PRUNE1: variants seen among roughly 807,000 people sequenced by gnomAD.
PRUNE1 encodes the protein exopolyphosphatase PRUNE1.
A neutral mutation model predicts 42.5 loss-of-function variants in PRUNE1; 25 were observed. The ratio of observed to expected loss-of-function variants is 0.59; its 90% CI spans 0.43 to 0.82. PRUNE1 has a LOEUF of 0.82. Ranked by LOEUF, PRUNE1 falls within the 40% of genes least tolerant of loss-of-function variation. The pLI, the probability that PRUNE1 is intolerant of heterozygous loss-of-function variation, is 0.00. For synonymous variants in PRUNE1, 203 were observed against 217.1 expected (o/e 0.93, Z 0.57); for missense variants, 443 against 539.3 (o/e 0.82, Z 1.77).
chr1:151,030,529 C>T (rs921005606), intron 7 of PRUNE1, among the ~76,000 whole-genome samples: 1 of 152,048 alleles, frequency 6.6e-6, no homozygotes, highest in African/African-American at 2.4e-5. Context: ...CTCACTCTGT[C>T]GCCCAGGCTT....
chr1:151,022,470 G>T (rs1287120225), intron 3 of PRUNE1, among the ~76,000 whole-genome samples: 3 of 146,320 alleles, frequency 2.1e-5, no homozygotes, highest in Admixed American at 1.4e-4. Context: ...CCAGGCTGGA[G>T]TGCACTGGCG....
chr1:151,029,045 T>C (rs1675063429), intron 7 of PRUNE1, 101 bp downstream of exon 7: 5 of 1,242,902 alleles, frequency 4.0e-6, no homozygotes, highest in Middle Eastern at 1.9e-4. Context: ...CTTAGGTTCT[T>C]ATATTAATGT....
chr1:151,028,837 GCT>G lies in PRUNE1; in HGVS notation c.828_829del (p.His277GlnfsTer3). The G allele has an allele frequency of 6.2e-7, 1 of 1,614,000 alleles. No individual in the cohort carries two copies. On this transcript the variant is annotated frameshift_variant, in exon 7 of 8. Coordinates refer to ENST00000271620, the MANE Select transcript of PRUNE1 (RefSeq NM_021222.3). LOFTEE classifies it high-confidence loss of function. Reference sequence around the variant, plus strand: ...TGCAGATCTCCATGCTTTCTGCCAGGCTCACAGCTATGATGTCCTGGTTGCCA... The same window carrying G: ...TGCAGATCTCCATGCTTTCTGCCAGGCACAGCTATGATGTCCTGGTTGCCA... ...LLADLHAFCQAHSYDVLVAMT... is the reference protein window; with the variant it reads ...LLADLHAFCQXHSYDVLVAMT...
At chr1:151,022,258 G>A (rs1449580967) in intron 3 of PRUNE1, among the ~76,000 whole-genome samples, 1 of 150,280 alleles carries the variant, frequency 6.7e-6, no homozygotes, top group Admixed American at 6.6e-5. Flanking sequence ...ACAAGCATGC[G>A]CCACCACACC....
chr1:151,017,682 C>T (rs759045500), intron 1 of PRUNE1, 130 bp from the exon 2 acceptor site: 24 of 448,938 alleles, frequency 5.3e-5, no homozygotes, highest in South Asian at 6.7e-5. Context: ...GTTGTGATCA[C>T]GCTACTGCAT....
At chr1:151,028,306 C>G (rs766653448) in intron 6 of PRUNE1, among the ~76,000 whole-genome samples, 3 of 152,176 alleles carry the variant, frequency 2.0e-5, no homozygotes, top group Non-Finnish European at 2.9e-5. Context: ...ATGGCATGAT[C>G]TCAGCTCACT....
intron 7 of PRUNE1, among the ~76,000 whole-genome samples, chr1:151,030,126 G>A (rs982457859): frequency 6.6e-6 from 1 of 151,994 alleles, no homozygotes; most frequent in Non-Finnish European, 1.5e-5. Flanking sequence ...GCTGGGCGTG[G>A]TGGTGCGTGC....
intron 7 of PRUNE1, among the ~76,000 whole-genome samples, chr1:151,031,999 C>T (rs1046887732): frequency 6.6e-6 from 1 of 152,120 alleles, no homozygotes; most frequent in Non-Finnish European, 1.5e-5. Context: ...AATCCCAGAA[C>T]TTTGGGAGGC....
chr1:151,034,548 C>T lies in PRUNE1; in HGVS notation c.*314C>T. On this transcript the variant is annotated 3_prime_UTR_variant, in exon 8 of 8. Coordinates refer to ENST00000271620, the MANE Select transcript of PRUNE1 (RefSeq NM_021222.3). ...CAGTGGGACAAAAAGAATTTAGACCCCAAAAGTGTCCTCGGCATGGATCTT... is the reference window on the plus strand; with the variant it reads ...CAGTGGGACAAAAAGAATTTAGACCTCAAAAGTGTCCTCGGCATGGATCTT... 1 of 314,264 alleles carries T rather than the reference C, an allele frequency of 3.2e-6. No homozygotes were observed. Among genetic ancestry groups the T allele is most frequent in the South Asian group, 4.7e-5 (1 of 21,114 alleles). 19.5% of individuals were successfully genotyped at this position (314,264 alleles called of 1,614,324 possible).
chr1:151,021,187 G>A (rs1216243422), intron 3 of PRUNE1, among the ~76,000 whole-genome samples: 1 of 151,490 alleles, frequency 6.6e-6, no homozygotes, highest in African/African-American at 2.4e-5. Context: ...GGGCGTGGTG[G>A]CTCACGCCTG....
At chr1:151,017,756 T>C (rs1204872744) in intron 1 of PRUNE1, 56 bp from the exon 2 acceptor site, 4 of 1,141,424 alleles carry the variant, frequency 3.5e-6, no homozygotes, top group Non-Finnish European at 5.0e-6. Context: ...AAAAAAAAGA[T>C]AAGTGGAAAT....
In PRUNE1 at chr1:151,034,254, T is replaced by C. The variant is rs1168852674; in HGVS notation, c.*20T>C. ...AAGTGACTGTTGAGAGGCGAGGAGG[T>C]AGTGGGTGAGGCTACCTGACTCACT... On this transcript the variant is annotated 3_prime_UTR_variant, in exon 8 of 8. Coordinates refer to ENST00000271620, the MANE Select transcript of PRUNE1 (RefSeq NM_021222.3). 5 of 1,595,628 alleles carry C rather than the reference T, an allele frequency of 3.1e-6. No individual in the cohort carries two copies. Among genetic ancestry groups the C allele is most frequent in the Non-Finnish European group, 4.3e-6 (5 of 1,167,290 alleles).
At chr1:151,023,978 C>T (rs1283447394) in intron 3 of PRUNE1, among the ~76,000 whole-genome samples, 19 of 151,700 alleles carry the variant, frequency 1.3e-4, no homozygotes, top group South Asian at 2.1e-4. Flanking sequence ...GTCAGGAGTT[C>T]GAGACCAGCC....
chr1:151,029,365 GTTTTTT>G (rs34073279), intron 7 of PRUNE1, among the ~76,000 whole-genome samples: 2 of 85,828 alleles, frequency 2.3e-5, no homozygotes, highest in African/African-American at 7.5e-5. Flanking sequence ...AAGCTGGAAA[GTTTTTT>G]TTTTTTTTTT....
intron 7 of PRUNE1, among the ~76,000 whole-genome samples, chr1:151,031,978 C>T (rs1297950432): frequency 2.6e-5 from 4 of 152,206 alleles, no homozygotes; most frequent in African/African-American, 9.7e-5. Flanking sequence ...GGTATGGTAG[C>T]TCATGCCTGT....
In PRUNE1 at chr1:151,034,521, C is replaced by T. The variant is rs1675444050; in HGVS notation, c.*287C>T. 2.7e-6 allele frequency: 1 copy of T among 363,836 alleles called. No homozygotes were observed. Among genetic ancestry groups the T allele is most frequent in the Non-Finnish European group, 5.1e-6 (1 of 196,358 alleles). The allele number at this position is 363,836 out of a possible 1,614,324, so 22.5% of individuals were successfully genotyped here. A position where few individuals can be genotyped will look rare whatever the true frequency, so the allele number is the denominator to read the frequency against. On this transcript the variant is annotated 3_prime_UTR_variant, in exon 8 of 8. Coordinates refer to ENST00000271620, the MANE Select transcript of PRUNE1 (RefSeq NM_021222.3). The stretch of plus-strand genomic sequence containing the variant: ...CGATGTGACATATCTGCAGTCCCAG[C>T]ACAGTGGGACAAAAAGAATTTAGAC...
chr1:151,018,307 G>A (rs1211738098), intron 2 of PRUNE1, 160 bp from the exon 3 acceptor site: 17 of 774,894 alleles, frequency 2.2e-5, no homozygotes, highest in African/African-American at 8.5e-5. Flanking sequence ...AAGAAGGAGG[G>A]AGGGCAAAAG....
intron 4 of PRUNE1, 26 bp downstream of exon 4, chr1:151,024,821 C>A: frequency 1.9e-6 from 3 of 1,584,368 alleles, no homozygotes; most frequent in Non-Finnish European, 2.6e-6. Context: ...GGATTGGGAC[C>A]TCAGTAGTTC....
At chr1:151,024,435 CA>C (rs1431438949) in intron 3 of PRUNE1, among the ~76,000 whole-genome samples, 175 bp from the exon 4 acceptor site, 3 of 151,832 alleles carry the variant, frequency 2.0e-5, no homozygotes, top group Non-Finnish European at 4.4e-5. Context: ...GCAAAGGTTG[CA>C]GTGAGCCAAG....
Sources: gnomAD v4.1 joint callset for allele counts (sites outside exome capture counted in the v4.1 genomes callset) on GRCh38, gnomAD v4.1.1 for gene constraint, MANE v1.5 for transcripts, NCBI Gene and HGNC (gene_info 2026-07-23, HGNC 2026-07-21) for gene names.